Variants in IMMP2L observed in about 807,000 individuals in gnomAD.
IMMP2L encodes the protein inner mitochondrial membrane peptidase subunit 2.
In IMMP2L, 18 loss-of-function variants were observed where a neutral mutation model predicts 19.3. The observed-to-expected ratio is 0.93, with a 90% CI of 0.64 to 1.38. IMMP2L has a LOEUF of 1.38. Ranked by LOEUF, IMMP2L falls within the 40% of genes most tolerant of loss-of-function variation. The pLI is 0.00. For synonymous variants in IMMP2L, 76 were observed against 73.0 expected, an observed-to-expected ratio of 1.04 and a Z score of -0.21; for missense variants, 233 against 218.2, an observed-to-expected ratio of 1.07 and a Z score of -0.43.
At chr7:110,701,590 T>C (rs1189674240) in intron 5 of IMMP2L, among the ~76,000 whole-genome samples, 6 of 152,132 alleles carry the variant, frequency 3.9e-5, no homozygotes, top group African/African-American at 1.4e-4. Context: ...CCAGCTAATT[T>C]TTTTATATTT....
intron 3 of IMMP2L, among the ~76,000 whole-genome samples, chr7:111,431,590 C>A (rs991137759): frequency 6.6e-6 from 1 of 151,654 alleles, no homozygotes; most frequent in Non-Finnish European, 1.5e-5. Context: ...GTGGATAGGT[C>A]CATAATGCAT....
intron 3 of IMMP2L, among the ~76,000 whole-genome samples, chr7:111,225,878 A>C (rs1487454966): frequency 2.0e-5 from 3 of 152,102 alleles, no homozygotes; most frequent in Non-Finnish European, 4.4e-5. Context: ...TTATGCCCTC[A>C]GGCTACTATA....
chr7:110,773,829 T>TC (rs1799195864), intron 5 of IMMP2L, among the ~76,000 whole-genome samples: 1 of 147,976 alleles, frequency 6.8e-6, no homozygotes, highest in South Asian at 2.1e-4. Context: ...AGTCTATTCT[T>TC]TTTTTTTTTT....
rs751996898 is a variant in IMMP2L, at chr7:111,123,847, A to C, written c.240-160282T>G. On this transcript the variant is annotated intron_variant, in intron 3 of 5. Coordinates refer to ENST00000405709, the MANE Select transcript of IMMP2L (RefSeq NM_032549.4). This position sits in a 1 kb window ranked among gnomAD's most constrained non-coding sequence, Gnocchi z 6.4. ...CCATGGTACCATTGAGTCTCTGCCA[A>C]ACCTCAAGGAAATCAGCATACACAG... The C allele has an allele frequency of 5.0e-6, 8 of 1,614,008 alleles. No individual in the cohort carries two copies. The highest frequency in any genetic ancestry group is 6.8e-6 in the Non-Finnish European group (8 of 1,179,992).
At chr7:111,416,951 T>G (rs1835007876) in intron 3 of IMMP2L, among the ~76,000 whole-genome samples, 1 of 151,666 alleles carries the variant, frequency 6.6e-6, no homozygotes, top group Admixed American at 6.6e-5. Context: ...TACTATCCAA[T>G]ACAGTAACCA....
chr7:111,395,346 C>A (rs2131362956), intron 3 of IMMP2L, among the ~76,000 whole-genome samples: 1 of 152,196 alleles, frequency 6.6e-6, no homozygotes, highest in Non-Finnish European at 1.5e-5. Context: ...TGTATTTCTA[C>A]CATAATTAGA....
chr7:111,108,230 A>G lies in IMMP2L; in HGVS notation c.240-144665T>C, dbSNP rs554364568. Reference sequence around the variant, plus strand: ...TCTGGCCTGCAGCCACATCAAACCAATTTTCTAGAGGACTTTTCTCAGTAC... The same window carrying G: ...TCTGGCCTGCAGCCACATCAAACCAGTTTTCTAGAGGACTTTTCTCAGTAC... On this transcript the variant is annotated intron_variant, in intron 3 of 5. Coordinates refer to ENST00000405709, the MANE Select transcript of IMMP2L (RefSeq NM_032549.4). Among the ~76,000 whole-genome samples, 4 of 152,182 alleles carry G rather than the reference A, an allele frequency of 2.6e-5. 1 individual carries two copies. The South Asian group carries it at 6.2e-4, about 24-fold the overall frequency.
chr7:111,298,859 A>T (rs78067250), intron 3 of IMMP2L, among the ~76,000 whole-genome samples: 8,463 of 152,168 alleles, frequency 0.056, 320 homozygotes, highest in Middle Eastern at 0.099. Context: ...AATACTTTAC[A>T]TACATATTCA....
intron 4 of IMMP2L, among the ~76,000 whole-genome samples, chr7:110,920,710 G>A (rs1249728023): frequency 6.6e-6 from 1 of 152,114 alleles, no homozygotes; most frequent in Non-Finnish European, 1.5e-5. Flanking sequence ...TCACTATGGG[G>A]TATGTCCCAA....
intron 3 of IMMP2L, among the ~76,000 whole-genome samples, chr7:111,348,259 C>T (rs1460416036): frequency 6.6e-6 from 1 of 151,744 alleles, no homozygotes; most frequent in Non-Finnish European, 1.5e-5. Flanking sequence ...GCACATTGTG[C>T]ACATGTACCC....
intron 2 of IMMP2L, among the ~76,000 whole-genome samples, chr7:111,501,492 G>A (rs1261964037): frequency 2.6e-5 from 4 of 152,170 alleles, no homozygotes; most frequent in Middle Eastern, 3.4e-3. Flanking sequence ...GATACTCCTC[G>A]AGAAGAGCAA....
At chr7:110,746,944 A>G (rs542426114) in intron 5 of IMMP2L, among the ~76,000 whole-genome samples, 3 of 152,278 alleles carry the variant, frequency 2.0e-5, no homozygotes, top group South Asian at 4.1e-4. Flanking sequence ...AAACCCTTCA[A>G]AAAAATCAGT....
At chr7:111,481,265 C>G (rs996402520) in intron 3 of IMMP2L, among the ~76,000 whole-genome samples, 1 of 152,098 alleles carries the variant, frequency 6.6e-6, no homozygotes, top group African/African-American at 2.4e-5. Flanking sequence ...TGTAGACATA[C>G]CAGGGCCAGA....
chr7:111,371,445 G>C (rs920696455), intron 3 of IMMP2L, among the ~76,000 whole-genome samples: 7 of 152,048 alleles, frequency 4.6e-5, no homozygotes, highest in African/African-American at 1.7e-4. Context: ...ATGGCTGTGT[G>C]CTTTTGACTG....
At chr7:111,491,773 C>T (rs1843127036) in intron 2 of IMMP2L, among the ~76,000 whole-genome samples, 1 of 152,096 alleles carries the variant, frequency 6.6e-6, no homozygotes, top group Admixed American at 6.5e-5. Flanking sequence ...GGTCCTCTTC[C>T]CTAATTTATT....
intron 3 of IMMP2L, among the ~76,000 whole-genome samples, chr7:111,429,613 A>G (rs894407006): frequency 2.0e-5 from 3 of 151,892 alleles, no homozygotes; most frequent in East Asian, 1.9e-4. Context: ...TCCTTTCACA[A>G]TAGCACAGAA....
At chr7:111,364,345 T>A (rs753173905) in intron 3 of IMMP2L, among the ~76,000 whole-genome samples, 2 of 152,104 alleles carry the variant, frequency 1.3e-5, no homozygotes, top group Non-Finnish European at 2.9e-5. Flanking sequence ...TTAAAAAAAA[T>A]CTACCTCAAT....
intron 3 of IMMP2L, among the ~76,000 whole-genome samples, chr7:111,154,953 C>T (rs1010818935): frequency 6.6e-6 from 1 of 151,872 alleles, no homozygotes; most frequent in African/African-American, 2.4e-5. Context: ...AGACAGGGTC[C>T]CACTATGTTG....
intron 3 of IMMP2L, among the ~76,000 whole-genome samples, chr7:110,977,064 C>T (rs1820771045): frequency 6.6e-6 from 1 of 151,824 alleles, no homozygotes; most frequent in Non-Finnish European, 1.5e-5. Context: ...TCGGATCAGG[C>T]AAAATGACAG....
Sources: gnomAD v4.1 joint callset for allele counts (sites outside exome capture counted in the v4.1 genomes callset) on GRCh38, gnomAD v4.1.1 for gene constraint, Gnocchi (gnomAD v3.1) non-coding constraint, MANE v1.5 for transcripts, NCBI Gene and HGNC (gene_info 2026-07-23, HGNC 2026-07-21) for gene names.